CNBD2: variants seen among roughly 807,000 people sequenced by gnomAD.
CNBD2 encodes cyclic nucleotide binding domain containing 2, also known as cyclic nucleotide-binding domain-containing protein 2.
A neutral mutation model predicts 63.7 loss-of-function variants in CNBD2; 64 were observed. The ratio of observed to expected loss-of-function variants is 1.00; its 90% confidence interval spans 0.82 to 1.24. The LOEUF (loss-of-function observed/expected upper bound fraction) is 1.24. CNBD2 is among the 50% of genes most tolerant of loss of function. CNBD2 has a pLI of 0.00. For synonymous variants in CNBD2, 229 were observed against 255.4 expected, an observed-to-expected ratio of 0.90 and a Z score of 0.99; for missense variants, 691 against 713.5, an observed-to-expected ratio of 0.97 and a Z score of 0.36.
chr20:35,960,743 C>G (rs6060721), intron 2 of CNBD2, among the ~76,000 whole-genome samples: 27 of 71,680 alleles, frequency 3.8e-4, no homozygotes, highest in African/African-American at 2.2e-3. Flanking sequence ...CTTCTCTTCC[C>G]TTCTCTTCCC....
At chr20:35,954,434 T>C (rs1028123672), upstream of CNBD2, 5 of 1,549,270 alleles carry the variant, frequency 3.2e-6, no homozygotes, top group Non-Finnish European at 4.4e-6. Flanking sequence ...CGGCCGAGAG[T>C]GTGCGGAGCT....
chr20:35,961,034 A>C (rs2056305400), intron 2 of CNBD2, among the ~76,000 whole-genome samples: 1 of 151,784 alleles, frequency 6.6e-6, no homozygotes. Flanking sequence ...GGTTCAAGCT[A>C]TTCTCTTGCC....
At chr20:35,970,950 C>CTTTTTT (rs539363959) in intron 1 of CNBD2, among the ~76,000 whole-genome samples, 2 of 136,772 alleles carry the variant, frequency 1.5e-5, no homozygotes, top group Non-Finnish European at 3.2e-5. Context: ...TTTTCTTTTT[C>CTTTTTT]TTTTTTTTTT....
Position 35,976,017 on chromosome 20 carries a change from A to G in CNBD2, c.243+15A>G. 1.2e-6 allele frequency: 2 copies of G among 1,600,874 alleles called. No individual in the cohort carries two copies. The highest frequency in any genetic ancestry group is 1.7e-6 in the Non-Finnish European group (2 of 1,169,332). On this transcript the variant is annotated intron_variant, in intron 3 of 11. Transcript: ENST00000373973. ...TTGCAGAGGAGGTATGCATAGCTCG[A>G]AACTTGCTGTGGGGGAATTTTCTTT...
chr20:36,030,043 C>G (rs925791602), intron 11 of CNBD2, among the ~76,000 whole-genome samples: 1 of 152,186 alleles, frequency 6.6e-6, no homozygotes, highest in Non-Finnish European at 1.5e-5. Context: ...GATTAAGGAG[C>G]TATTTTACTT....
At chr20:36,003,288 T>C (rs192137866) in intron 8 of CNBD2, among the ~76,000 whole-genome samples, 50 of 152,300 alleles carry the variant, frequency 3.3e-4, no homozygotes, top group East Asian at 2.3e-3. Context: ...CCTTTTCATA[T>C]AGTTTATATT....
intron 6 of CNBD2, among the ~76,000 whole-genome samples, chr20:35,985,727 A>T (rs2056659010): frequency 6.6e-6 from 1 of 152,120 alleles, no homozygotes; most frequent in Non-Finnish European, 1.5e-5. Context: ...GCCTCAAGTG[A>T]TCTGACTACC....
Position 36,002,020 on chromosome 20 carries a change from C to G in CNBD2, c.971-6277C>G, listed in dbSNP as rs563280362. Among the ~76,000 whole-genome samples, 4 of 152,308 alleles carry G rather than the reference C, an allele frequency of 2.6e-5. No individual in the cohort carries two copies. In the South Asian group the frequency reaches 8.3e-4, roughly 32 times the overall value. On this transcript the variant is annotated intron_variant, in intron 8 of 11. Transcript: ENST00000373973. ...GGCGGCCGGGCAGAGGCTGCACTCT[C>G]GGCACTTTGGGAGGCCAAGGCAGGC...
At chr20:35,956,699 C>T (rs1032282687), downstream of CNBD2, among the ~76,000 whole-genome samples, 2 of 152,190 alleles carry the variant, frequency 1.3e-5, no homozygotes, top group Admixed American at 6.5e-5. Context: ...GTGCTATTCC[C>T]TGTGTGGTAA....
upstream of CNBD2, chr20:35,954,644 A>C: frequency 2.3e-6 from 3 of 1,283,118 alleles, no homozygotes; most frequent in Non-Finnish European, 1.0e-6. Context: ...CTCCTTCCGA[A>C]TGGTGGCGCC....
chr20:35,972,422 G>A (rs944355985), intron 1 of CNBD2, among the ~76,000 whole-genome samples: 1 of 152,168 alleles, frequency 6.6e-6, no homozygotes, highest in East Asian at 1.9e-4. Flanking sequence ...TATGGCATAA[G>A]TACTCCTACC....
At chr20:35,976,115 C>T in intron 3 of CNBD2, 113 bp downstream of exon 3, 1 of 886,106 alleles carries the variant, frequency 1.1e-6, no homozygotes, top group South Asian at 1.5e-5. Flanking sequence ...CTGCCACCAA[C>T]TCAGCTTGTC....
In CNBD2 at chr20:36,008,524, G is replaced by C. The variant is rs756316698; in HGVS notation, c.1148+50G>C. 25 of 1,540,246 alleles carry C rather than the reference G, an allele frequency of 1.6e-5. No homozygotes were observed. In the South Asian group the frequency reaches 2.9e-4, roughly 18 times the overall value. Reference sequence around the variant, plus strand: ...ACGGGTCCAGATTGTGGTTGCAAAGGGAGATAATACTTATATGGCAGAATG... The same window carrying C: ...ACGGGTCCAGATTGTGGTTGCAAAGCGAGATAATACTTATATGGCAGAATG... On this transcript the variant is annotated intron_variant, in intron 9 of 11. Coordinates refer to ENST00000373973, the MANE Select transcript of CNBD2 (RefSeq NM_001365709.1).
Position 36,030,539 on chromosome 20 carries a change from C to T in CNBD2, c.1622C>T (p.Thr541Ile). Reference protein sequence around the residue: ...VLDLCSINKTTKPRYPIFMAP... With the variant: ...VLDLCSINKTIKPRYPIFMAP... ...GATTTGTGCAGCATCAACAAGACGA[C>T]TAAACCTCGTTATCCTATTTTTATG... The change falls in exon 12 of 12, where the codon ACT becomes ATT. Residue 541 changes from threonine (T) to isoleucine (I), a missense_variant. Thr to Ile is a moderately conservative substitution (Grantham distance 89, BLOSUM62 -1). Transcript: ENST00000373973. 6.2e-7 allele frequency: 1 copy of T among 1,614,188 alleles called. No individual in the cohort carries two copies. The highest frequency in any genetic ancestry group is 8.5e-7 in the Non-Finnish European group (1 of 1,180,040).
chr20:36,002,189 G>A (rs558661210), intron 8 of CNBD2, among the ~76,000 whole-genome samples: 1 of 152,368 alleles, frequency 6.6e-6, no homozygotes, highest in African/African-American at 2.4e-5. Context: ...GCGGTTAGGA[G>A]CTGGAGACCA....
At chr20:35,979,082 T>C (rs1386913643) in intron 3 of CNBD2, among the ~76,000 whole-genome samples, 1 of 152,220 alleles carries the variant, frequency 6.6e-6, no homozygotes, top group African/African-American at 2.4e-5. Context: ...CTTCATGTCC[T>C]CTGGAGGAAC....
chr20:35,998,874 C>CGA (rs2056861419), intron 8 of CNBD2, among the ~76,000 whole-genome samples: 2 of 47,376 alleles, frequency 4.2e-5, no homozygotes, highest in African/African-American at 1.5e-4. Flanking sequence ...CTGTGTCTCT[C>CGA]AAAAAAAAAA....
At chr20:36,021,759 C>T (rs1197905948) in intron 10 of CNBD2, among the ~76,000 whole-genome samples, 1 of 152,198 alleles carries the variant, frequency 6.6e-6, no homozygotes, top group Non-Finnish European at 1.5e-5. Context: ...CTGCCTGTCC[C>T]AGGTGTCTCC....
intron 7 of CNBD2, among the ~76,000 whole-genome samples, chr20:35,992,252 G>C (rs561257258): frequency 6.6e-6 from 1 of 152,262 alleles, no homozygotes; most frequent in East Asian, 1.9e-4. Context: ...TAGGAGGAAG[G>C]GCTCAGTGAT....
Sources: gnomAD v4.1 joint callset for allele counts (sites outside exome capture counted in the v4.1 genomes callset) on GRCh38, gnomAD v4.1.1 for gene constraint, MANE v1.5 for transcripts, NCBI Gene and HGNC (gene_info 2026-07-23, HGNC 2026-07-21) for gene names.